Variants in RALA observed in about 807,000 individuals in gnomAD.
RALA encodes RAS like proto-oncogene A, also known as ras-related protein Ral-A.
RALA carries 5 observed loss-of-function variants against 24.0 expected under a neutral mutation model. The ratio of observed to expected loss-of-function variants is 0.21; its 90% CI spans 0.11 to 0.44. The LOEUF is 0.44. RALA is among the 20% of genes least tolerant of loss of function. RALA has a pLI of 0.99. For synonymous variants in RALA, 77 were observed against 83.8 expected, an observed-to-expected ratio of 0.92 and a Z score of 0.44; for missense variants, 95 against 241.2, an observed-to-expected ratio of 0.39 and a Z score of 4.01.
intron 1 of RALA, among the ~76,000 whole-genome samples, chr7:39,629,532 A>T (rs1253670061): frequency 6.6e-6 from 1 of 152,140 alleles, no homozygotes; most frequent in African/African-American, 2.4e-5. Context: ...CTCCTGCCTC[A>T]GCCTCCTGAG....
At chr7:39,671,416 T>A (rs188750637) in intron 1 of RALA, among the ~76,000 whole-genome samples, 1 of 152,216 alleles carries the variant, frequency 6.6e-6, no homozygotes, top group Non-Finnish European at 1.5e-5. Context: ...ACCTTTGTGC[T>A]ACTGGTAATG....
intron 1 of RALA, among the ~76,000 whole-genome samples, chr7:39,647,128 G>A (rs1425973060): frequency 6.6e-6 from 1 of 151,972 alleles, no homozygotes; most frequent in Admixed American, 6.6e-5. Context: ...TTGCAGCCTC[G>A]ACCTCCCGGG....
intron 1 of RALA, among the ~76,000 whole-genome samples, chr7:39,634,838 A>G (rs933235312): frequency 6.6e-6 from 1 of 152,056 alleles, no homozygotes; most frequent in African/African-American, 2.4e-5. Context: ...GTTTTGATCC[A>G]GTTCATAAAA....
intron 1 of RALA, among the ~76,000 whole-genome samples, chr7:39,641,144 G>C (rs1020009331): frequency 1.3e-5 from 2 of 152,150 alleles, no homozygotes; most frequent in Non-Finnish European, 2.9e-5. Flanking sequence ...GGGAAGGGGT[G>C]CTGGAGGGGT....
chr7:39,656,355 A>G (rs1461882851), intron 1 of RALA, among the ~76,000 whole-genome samples: 2 of 152,222 alleles, frequency 1.3e-5, no homozygotes, highest in East Asian at 3.8e-4. Context: ...ATCCTATAGC[A>G]TGTAAGAGCA....
chr7:39,630,271 T>G (rs1012465359), intron 1 of RALA, among the ~76,000 whole-genome samples: 1 of 147,180 alleles, frequency 6.8e-6, no homozygotes, highest in African/African-American at 2.5e-5. Flanking sequence ...AGACTGGTCT[T>G]AAACTCCTGG....
At chr7:39,664,836 A>G (rs1322343627) in intron 1 of RALA, among the ~76,000 whole-genome samples, 1 of 152,146 alleles carries the variant, frequency 6.6e-6, no homozygotes, top group Non-Finnish European at 1.5e-5. Context: ...AGGGGGAACA[A>G]AAGTCTGCTT....
At chr7:39,695,025 C>CT (rs1792893888) in intron 3 of RALA, among the ~76,000 whole-genome samples, 1 of 151,134 alleles carries the variant, frequency 6.6e-6, no homozygotes, top group Non-Finnish European at 1.5e-5. Flanking sequence ...TGCCACTGCA[C>CT]TACAGCCTGG....
At chr7:39,657,581 T>C (rs1312693675) in intron 1 of RALA, among the ~76,000 whole-genome samples, 1 of 152,134 alleles carries the variant, frequency 6.6e-6, no homozygotes, top group Non-Finnish European at 1.5e-5. Context: ...ATCTTTTTGG[T>C]CATTAACCTG....
chr7:39,704,400 C>T (rs1793081245), intron 4 of RALA, among the ~76,000 whole-genome samples: 1 of 151,756 alleles, frequency 6.6e-6, no homozygotes, highest in South Asian at 2.1e-4. Flanking sequence ...CAGCTCACCG[C>T]AACCTCCGCC....
intron 1 of RALA, among the ~76,000 whole-genome samples, chr7:39,673,479 A>T (rs1792424231): frequency 6.6e-6 from 1 of 152,142 alleles, no homozygotes. Flanking sequence ...TCTTACACAG[A>T]TAGTGGTAAT....
At chr7:39,686,169 G>A (rs1056348474) in intron 1 of RALA, among the ~76,000 whole-genome samples, 24 of 144,286 alleles carry the variant, frequency 1.7e-4, no homozygotes, top group African/African-American at 5.4e-4. Context: ...TCACGCCACT[G>A]CACTCCAGCC....
intron 1 of RALA, among the ~76,000 whole-genome samples, chr7:39,647,758 T>G (rs1791951608): frequency 6.6e-6 from 1 of 152,158 alleles, no homozygotes; most frequent in African/African-American, 2.4e-5. Flanking sequence ...GAGGTTACAG[T>G]GAGAACACAG....
chr7:39,701,058 T>C (rs1310925685), intron 4 of RALA: 1 of 152,218 alleles, frequency 6.6e-6, no homozygotes, highest in Non-Finnish European at 1.5e-5. Flanking sequence ...GTGTGAGGCG[T>C]AGATACTCTT....
intron 1 of RALA, among the ~76,000 whole-genome samples, chr7:39,641,648 A>ATTTGAAGTGAT (rs1791819727): frequency 6.6e-6 from 1 of 152,138 alleles, no homozygotes; most frequent in South Asian, 2.1e-4. Context: ...TATGATTCAT[A>ATTTGAAGTGAT]TTTGAAGTGA....
chr7:39,691,918 A>G (rs1792824222), intron 3 of RALA, among the ~76,000 whole-genome samples: 1 of 152,222 alleles, frequency 6.6e-6, no homozygotes, highest in South Asian at 2.1e-4. Flanking sequence ...AATAAATGTT[A>G]TCACCATAGT....
intron 1 of RALA, among the ~76,000 whole-genome samples, chr7:39,646,966 T>G (rs1287306224): frequency 6.6e-6 from 1 of 152,218 alleles, no homozygotes; most frequent in Non-Finnish European, 1.5e-5. Context: ...TAATAGTATA[T>G]AAATGTTGTG....
intron 1 of RALA, among the ~76,000 whole-genome samples, chr7:39,654,565 A>G (rs1792067720): frequency 6.6e-6 from 1 of 152,144 alleles, no homozygotes; most frequent in Non-Finnish European, 1.5e-5. Context: ...CCAACTTATC[A>G]ATTTCATAGA....
chr7:39,681,694 A>G (rs965816013), intron 1 of RALA, among the ~76,000 whole-genome samples: 2 of 152,058 alleles, frequency 1.3e-5, no homozygotes, highest in Admixed American at 6.6e-5. Context: ...ACTTTCTCGT[A>G]TCTATCTTCA....
Sources: allele counts gnomAD v4.1 joint callset (sites outside exome capture counted in the v4.1 genomes callset), GRCh38; gene constraint gnomAD v4.1.1; transcripts MANE v1.5; gene names NCBI Gene and HGNC (gene_info 2026-07-23, HGNC 2026-07-21).